Variants in ALMS1 observed in about 807,000 individuals in gnomAD.
ALMS1 encodes centrosome-associated protein ALMS1.
ALMS1 carries 271 observed loss-of-function variants against 352.2 expected under a neutral mutation model. That is an observed-to-expected ratio of 0.77 (90% CI 0.70 to 0.85). The LOEUF is 0.85. Ranked by LOEUF, ALMS1 falls within the 40% of genes least tolerant of loss-of-function variation. The probability of loss-of-function intolerance (pLI) is 0.00; values close to 1 mark genes in which losing one functional copy is unlikely to be tolerated. For missense variants in ALMS1, 5,445 were observed against 4,870.7 expected (o/e 1.12, Z -3.51); for synonymous variants, 1,865 against 1,761.2 (o/e 1.06, Z -1.48).
intron 11 of ALMS1, among the ~76,000 whole-genome samples, chr2:73,524,039 CAGAA>C (rs1402354132): frequency 6.6e-6 from 1 of 152,058 alleles, no homozygotes; most frequent in East Asian, 1.9e-4. Flanking sequence ...ATGAAATGCT[CAGAA>C]ATAACCTAAA....
At chr2:73,440,263 G>T (rs1019232051) in intron 7 of ALMS1, among the ~76,000 whole-genome samples, 62 of 152,076 alleles carry the variant, frequency 4.1e-4, no homozygotes, top group Admixed American at 4.6e-4. Flanking sequence ...TATTACAGGC[G>T]TGAGCCAATG....
At chr2:73,443,426 A>G (rs1671754346) in intron 7 of ALMS1, among the ~76,000 whole-genome samples, 1 of 151,892 alleles carries the variant, frequency 6.6e-6, no homozygotes, top group Non-Finnish European at 1.5e-5. Flanking sequence ...TTATCCTTTC[A>G]TTCTGAGCTT....
At chr2:73,495,098 A>G (rs951569663) in intron 10 of ALMS1, among the ~76,000 whole-genome samples, 2 of 152,174 alleles carry the variant, frequency 1.3e-5, no homozygotes, top group Admixed American at 6.5e-5. Context: ...TTATAATCCA[A>G]TGCTACCATT....
At chr2:73,412,270 T>A (rs1021223689) in intron 2 of ALMS1, among the ~76,000 whole-genome samples, 4 of 152,192 alleles carry the variant, frequency 2.6e-5, no homozygotes, top group African/African-American at 9.7e-5. Context: ...CAACTCCTAG[T>A]CCCTGGCAAC....
intron 6 of ALMS1, among the ~76,000 whole-genome samples, chr2:73,429,720 A>G (rs1428660711): frequency 6.6e-6 from 1 of 152,012 alleles, no homozygotes; most frequent in East Asian, 1.9e-4. Context: ...TGTGTGGATG[A>G]TTATCACCTC....
intron 10 of ALMS1, among the ~76,000 whole-genome samples, chr2:73,507,036 CAT>C (rs1177712310): frequency 1.3e-5 from 2 of 152,036 alleles, no homozygotes; most frequent in Admixed American, 6.5e-5. Context: ...TTGAGATAAT[CAT>C]GTGGTTTTTT....
rs1673779329 is a variant in ALMS1, at chr2:73,525,820, A to G, written c.9781+5804A>G. 2.6e-5 allele frequency among the ~76,000 whole-genome samples: 4 copies of G among 152,066 alleles called. No homozygotes were observed. In the South Asian group the frequency reaches 8.3e-4, roughly 32 times the overall value. Reference sequence around the variant, plus strand: ...CCATTTTTGCTTTGGTTGCCTGTATATGTGGGATATTACTCAAGAAATCTT... The same window carrying G: ...CCATTTTTGCTTTGGTTGCCTGTATGTGTGGGATATTACTCAAGAAATCTT... On this transcript the variant is annotated intron_variant, in intron 11 of 22. Transcript: ENST00000613296.
chr2:73,434,033 A>G lies in ALMS1; in HGVS notation c.1432+1742A>G, dbSNP rs572042972. Among the ~76,000 whole-genome samples the G allele has an allele frequency of 9.3e-5, 14 of 150,452 alleles. 1 individual carries two copies. The highest frequency in any genetic ancestry group is 3.2e-4 in the African/African-American group (13 of 41,006). On this transcript the variant is annotated intron_variant, in intron 7 of 22. Coordinates refer to ENST00000613296, the MANE Select transcript of ALMS1 (RefSeq NM_001378454.1). ...TGGTGAATCTAGTTAAATTTTGTCA[A>G]TTTTGCTGATTTTTTCAAATAAACT...
intron 1 of ALMS1, among the ~76,000 whole-genome samples, chr2:73,391,454 C>A (rs923894323): frequency 6.6e-6 from 1 of 151,864 alleles, no homozygotes; most frequent in African/African-American, 2.4e-5. Context: ...CCACCACGCC[C>A]GGCTATTATT....
intron 15 of ALMS1, among the ~76,000 whole-genome samples, chr2:73,565,646 C>A (rs1042580017): frequency 6.6e-6 from 1 of 152,154 alleles, no homozygotes; most frequent in African/African-American, 2.4e-5. Flanking sequence ...TTCTGGCAAA[C>A]ACTGGCTCAG....
In ALMS1 at chr2:73,600,888, T is replaced by G. The variant is rs763235048; in HGVS notation, c.11872+7T>G. ...AAGAAGAATTCCCATGAAGGTCAGT[T>G]TCTCATTCCAGATCTTGTAGTAGAG... On this transcript the variant is annotated splice_region_variant and intron_variant, in intron 18 of 22. Transcript: ENST00000613296. 1 of 1,612,352 alleles carries G rather than the reference T, an allele frequency of 6.2e-7. No homozygotes were observed. The highest frequency in any genetic ancestry group is 1.1e-5 in the South Asian group (1 of 90,912).
intron 10 of ALMS1, among the ~76,000 whole-genome samples, chr2:73,510,422 T>A (rs1033804919): frequency 6.6e-6 from 1 of 152,198 alleles, no homozygotes; most frequent in Non-Finnish European, 1.5e-5. Flanking sequence ...TTGTTGATGT[T>A]GATGCTTTTG....
intron 9 of ALMS1, among the ~76,000 whole-genome samples, chr2:73,488,082 A>C (rs941830142): frequency 1.3e-5 from 2 of 152,140 alleles, no homozygotes; most frequent in Non-Finnish European, 2.9e-5. Flanking sequence ...CCTTCAACCC[A>C]TCCCTGGCTT....
chr2:73,576,423 A>G (rs541544127), intron 16 of ALMS1, among the ~76,000 whole-genome samples: 1 of 152,244 alleles, frequency 6.6e-6, no homozygotes, highest in African/African-American at 2.4e-5. Flanking sequence ...AATAATTTTT[A>G]CATACTGATC....
chr2:73,404,521 C>T (rs979298245), intron 1 of ALMS1, among the ~76,000 whole-genome samples: 6 of 150,344 alleles, frequency 4.0e-5, no homozygotes, highest in Admixed American at 1.3e-4. Context: ...AGTGCTATTT[C>T]GGTTTCATTT....
chr2:73,571,346 G>C (rs1029726223), intron 15 of ALMS1, among the ~76,000 whole-genome samples: 1 of 152,172 alleles, frequency 6.6e-6, no homozygotes, highest in Non-Finnish European at 1.5e-5. Flanking sequence ...GTTTATGATT[G>C]TGTCTTAGCT....
chr2:73,555,928 TAAAG>T lies in ALMS1; in HGVS notation c.10079-1288_10079-1285del, dbSNP rs1358739502. On this transcript the variant is annotated intron_variant, in intron 13 of 22. Coordinates refer to ENST00000613296, the MANE Select transcript of ALMS1 (RefSeq NM_001378454.1). ...AGTATTGTACCCTTCGTATAAGGTT[TAAAG>T]AAACTTGCAAAACAATGCTGTACAC... 2.0e-5 allele frequency among the ~76,000 whole-genome samples: 3 copies of T among 152,156 alleles called. No homozygotes were observed. The East Asian group carries it at 5.8e-4, about 29-fold the overall frequency.
intron 11 of ALMS1, among the ~76,000 whole-genome samples, chr2:73,531,734 A>G (rs1196279816): frequency 1.3e-5 from 2 of 152,244 alleles, no homozygotes; most frequent in African/African-American, 2.4e-5. Context: ...GGTTTAATTG[A>G]CTAACAGTTC....
Position 73,448,670 on chromosome 2 carries a change from C to A in ALMS1, c.2143C>A (p.Pro715Thr). 1 of 1,611,122 alleles carries A rather than the reference C, an allele frequency of 6.2e-7. No homozygotes were observed. The highest frequency in any genetic ancestry group is 8.5e-7 in the Non-Finnish European group (1 of 1,178,956). ...KTGTATVLST[P>T]HSHREKPGIF... ...TGGGACAGCAACAGTACTCTCTACT[C>A]CCCACTCACATAGAGAGAAGCCTGG... The change falls in exon 8 of 23, where the codon CCC becomes ACC. Residue 715 changes from proline to threonine, a missense_variant. Transcript: ENST00000613296.
Sources: allele counts gnomAD v4.1 joint callset (sites outside exome capture counted in the v4.1 genomes callset), GRCh38; gene constraint gnomAD v4.1.1; transcripts MANE v1.5; gene names NCBI Gene and HGNC (gene_info 2026-07-23, HGNC 2026-07-21).